The following XKR6 variants were observed in gnomAD, a reference collection of about 807,000 sequenced individuals.
The protein encoded by XKR6 is XK related 6, also known as XK-related protein 6.
In XKR6, 22 loss-of-function variants were observed where a neutral mutation model predicts 56.7. The ratio of observed to expected loss-of-function variants is 0.39; its 90% CI spans 0.28 to 0.55. The LOEUF (loss-of-function observed/expected upper bound fraction) is 0.55. Ranked by LOEUF, XKR6 falls within the 20% of genes least tolerant of loss-of-function variation. XKR6 has a pLI of 0.66. For missense variants in XKR6, 852 were observed against 889.0 expected (o/e 0.96, Z 0.53); for synonymous variants, 524 against 387.8 (o/e 1.35, Z -4.13).
chr8:10,952,349 TAAACCCCC>T (rs1004941771), intron 1 of XKR6, among the ~76,000 whole-genome samples: 2 of 152,234 alleles, frequency 1.3e-5, no homozygotes, highest in African/African-American at 4.8e-5. Flanking sequence ...GCACAGTCCA[TAAACCCCC>T]AACAAACACT....
intron 1 of XKR6, among the ~76,000 whole-genome samples, chr8:10,939,693 T>C (rs1223874372): frequency 6.6e-6 from 1 of 152,256 alleles, no homozygotes; most frequent in Non-Finnish European, 1.5e-5. Context: ...CGCTGGGTTC[T>C]TGAAATTCCT....
chr8:11,175,825 C>A (rs1408260521), intron 1 of XKR6, among the ~76,000 whole-genome samples: 1 of 152,140 alleles, frequency 6.6e-6, no homozygotes, highest in Non-Finnish European at 1.5e-5. Context: ...CACATCCGTC[C>A]GTCAACAGTC....
chr8:11,020,658 A>G (rs532406835), intron 1 of XKR6, among the ~76,000 whole-genome samples: 1 of 152,306 alleles, frequency 6.6e-6, no homozygotes, highest in African/African-American at 2.4e-5. Context: ...TCAAAATCTC[A>G]GCCAAGGAGG....
intron 1 of XKR6, among the ~76,000 whole-genome samples, chr8:11,021,722 G>T (rs934216455): frequency 6.6e-6 from 1 of 152,082 alleles, no homozygotes; most frequent in Non-Finnish European, 1.5e-5. Context: ...TCCATTCAGA[G>T]TCTCAAATGT....
chr8:11,100,844 C>T (rs1489305847), intron 1 of XKR6, among the ~76,000 whole-genome samples: 1 of 152,154 alleles, frequency 6.6e-6, no homozygotes, highest in Admixed American at 6.5e-5. Flanking sequence ...CTTTTGTTGG[C>T]GTTGGCCTCC....
intron 1 of XKR6, among the ~76,000 whole-genome samples, chr8:11,125,442 T>C (rs1241927977): frequency 6.6e-6 from 1 of 151,888 alleles, no homozygotes; most frequent in African/African-American, 2.4e-5. Context: ...AACTCCATGG[T>C]TGAGTATGAG....
intron 1 of XKR6, among the ~76,000 whole-genome samples, chr8:11,116,652 G>A (rs906819705): frequency 6.6e-6 from 1 of 152,114 alleles, no homozygotes; most frequent in African/African-American, 2.4e-5. Flanking sequence ...ATTACAGGCA[G>A]GAGCCACTAC....
At chr8:11,014,121 A>C (rs184256303) in intron 1 of XKR6, among the ~76,000 whole-genome samples, 1 of 152,218 alleles carries the variant, frequency 6.6e-6, no homozygotes, top group Non-Finnish European at 1.5e-5. Flanking sequence ...ATTTTTTAAC[A>C]GCCAGTAAAT....
At chr8:11,016,673 G>C (rs1231610256) in intron 1 of XKR6, among the ~76,000 whole-genome samples, 2 of 152,154 alleles carry the variant, frequency 1.3e-5, no homozygotes, top group Non-Finnish European at 2.9e-5. Context: ...CGACGCCCCA[G>C]GCCCCCGGCC....
chr8:11,114,979 G>T (rs56891374), intron 1 of XKR6, among the ~76,000 whole-genome samples: 3,452 of 152,252 alleles, frequency 0.023, 119 homozygotes, highest in African/African-American at 0.078. Context: ...TTAAGTGCTT[G>T]GTATGACAGA....
chr8:11,182,872 G>A (rs956888097), intron 1 of XKR6, among the ~76,000 whole-genome samples: 3 of 152,052 alleles, frequency 2.0e-5, no homozygotes, highest in Non-Finnish European at 2.9e-5. Context: ...GTAACTCCAC[G>A]TATCCCCTCG....
At chr8:11,131,822 G>T (rs541562882) in intron 1 of XKR6, among the ~76,000 whole-genome samples, 1 of 152,256 alleles carries the variant, frequency 6.6e-6, no homozygotes, top group South Asian at 2.1e-4. Flanking sequence ...GTAGAGTAAC[G>T]TGCTATACAG....
At chr8:11,131,928 A>G (rs967049456) in intron 1 of XKR6, among the ~76,000 whole-genome samples, 10 of 152,176 alleles carry the variant, frequency 6.6e-5, no homozygotes, top group African/African-American at 2.4e-4. Flanking sequence ...TGATGTTGGC[A>G]CAAGACTGCC....
intron 1 of XKR6, among the ~76,000 whole-genome samples, chr8:10,925,865 G>T (rs1276202857): frequency 6.6e-6 from 1 of 152,118 alleles, no homozygotes; most frequent in Non-Finnish European, 1.5e-5. Flanking sequence ...AGGACTTAAG[G>T]CACCATCCAA....
chr8:11,178,080 T>C (rs1392735836), intron 1 of XKR6, among the ~76,000 whole-genome samples: 1 of 152,046 alleles, frequency 6.6e-6, no homozygotes, highest in East Asian at 1.9e-4. Context: ...AGTGACCGGG[T>C]AGGAGCCGGG....
chr8:11,040,711 C>T (rs1799264811), intron 1 of XKR6, among the ~76,000 whole-genome samples: 1 of 152,162 alleles, frequency 6.6e-6, no homozygotes. Flanking sequence ...GCACTAACAC[C>T]ATCACTGGGC....
intron 1 of XKR6, among the ~76,000 whole-genome samples, chr8:10,928,375 C>T (rs1800959030): frequency 6.6e-6 from 1 of 152,216 alleles, no homozygotes; most frequent in Admixed American, 6.5e-5. Context: ...TGGTGTCTGT[C>T]TCCCTCAAGA....
chr8:11,142,068 C>A (rs912145499), intron 1 of XKR6, among the ~76,000 whole-genome samples: 1 of 150,576 alleles, frequency 6.6e-6, no homozygotes, highest in Non-Finnish European at 1.5e-5. Flanking sequence ...ACAAGTTGTT[C>A]TGAACTTGAA....
At chr8:11,068,359 C>G (rs1236904657) in intron 1 of XKR6, among the ~76,000 whole-genome samples, 2 of 152,160 alleles carry the variant, frequency 1.3e-5, no homozygotes, top group Non-Finnish European at 2.9e-5. Context: ...CTGAACATCT[C>G]TCAGTGAGCA....
Sources: allele counts gnomAD v4.1 joint callset (sites outside exome capture counted in the v4.1 genomes callset), GRCh38; gene constraint gnomAD v4.1.1; transcripts MANE v1.5; gene names NCBI Gene and HGNC (gene_info 2026-07-23, HGNC 2026-07-21).